GARIN1A: variants seen among roughly 807,000 people sequenced by gnomAD.
GARIN1A encodes golgi associated RAB2 interactor 1A.
At chr7:128,707,526 G>A in the GARIN1A span, among the ~76,000 whole-genome samples, 72 of 152,160 alleles carry the variant, frequency 4.7e-4, no homozygotes, top group African/African-American at 1.7e-3. Context: ...GTACAGTGTG[G>A]CACCATCATG....
the GARIN1A span, among the ~76,000 whole-genome samples, chr7:128,677,159 TAGG>T: frequency 1.3e-5 from 2 of 151,470 alleles, no homozygotes; most frequent in African/African-American, 4.9e-5. Flanking sequence ...AGCAGAGAGG[TAGG>T]AGGCCAGTGT....
At chr7:128,704,339 C>G in the GARIN1A span, among the ~76,000 whole-genome samples, 1 of 149,256 alleles carries the variant, frequency 6.7e-6, no homozygotes, top group African/African-American at 2.5e-5. Context: ...GAGTCTTGCT[C>G]TGTCACCTAG....
At chr7:128,674,250 A>G in the GARIN1A span, among the ~76,000 whole-genome samples, 1 of 152,142 alleles carries the variant, frequency 6.6e-6, no homozygotes, top group South Asian at 2.1e-4. Context: ...TGTGCTAGGG[A>G]GAGGCTGACC....
At chr7:128,704,080 G>A in the GARIN1A span, among the ~76,000 whole-genome samples, 2 of 152,172 alleles carry the variant, frequency 1.3e-5, no homozygotes, top group African/African-American at 4.8e-5. Context: ...GGAGAAGAAA[G>A]AGCTCACTCA....
At chr7:128,690,504 G>C in the GARIN1A span, 18 of 152,142 alleles carry the variant, frequency 1.2e-4, no homozygotes, top group Non-Finnish European at 2.2e-4. Flanking sequence ...ATGGTAGGAG[G>C]AGACAAAAAT....
chr7:128,706,485 ATC>A, the GARIN1A span, among the ~76,000 whole-genome samples: 86 of 149,398 alleles, frequency 5.8e-4, 1 homozygote, highest in East Asian at 0.016. Context: ...ATATATCTCC[ATC>A]TCTCTCTCTC....
the GARIN1A span, among the ~76,000 whole-genome samples, chr7:128,699,269 C>T: frequency 1.4e-5 from 2 of 143,462 alleles, no homozygotes; most frequent in African/African-American, 2.5e-5. Context: ...TGCCCCCCCC[C>T]CCCCACCACC....
chr7:128,688,833 G>T, the GARIN1A span, among the ~76,000 whole-genome samples: 1 of 122,184 alleles, frequency 8.2e-6, no homozygotes, highest in Non-Finnish European at 1.6e-5. Flanking sequence ...TCTTTCCACC[G>T]TCTCCCTCTG....
chr7:128,683,133 C>G, the GARIN1A span: 3 of 1,611,632 alleles, frequency 1.9e-6, no homozygotes, highest in Non-Finnish European at 2.5e-6. Context: ...AGCCAGTTAC[C>G]TAGGAGAGCA....
chr7:128,674,652 G>A, the GARIN1A span, among the ~76,000 whole-genome samples: 1 of 152,010 alleles, frequency 6.6e-6, no homozygotes, highest in Non-Finnish European at 1.5e-5. Flanking sequence ...TCCAAGAAGT[G>A]TCACTTTTTT....
At chr7:128,696,638 C>T in the GARIN1A span, among the ~76,000 whole-genome samples, 1 of 152,112 alleles carries the variant, frequency 6.6e-6, no homozygotes, top group East Asian at 1.9e-4. Flanking sequence ...AACCAGCCTC[C>T]TGGGCAATAG....
the GARIN1A span, chr7:128,675,879 C>T: frequency 1.2e-5 from 13 of 1,091,580 alleles, no homozygotes; most frequent in Non-Finnish European, 1.6e-5. Context: ...TGAGGGAGGG[C>T]GGGAAGGGAT....
chr7:128,672,213 A>C, the GARIN1A span: 1 of 526,692 alleles, frequency 1.9e-6, no homozygotes. Context: ...TGTCACCATC[A>C]CATTCCTTGA....
chr7:128,702,578 G>A, the GARIN1A span, among the ~76,000 whole-genome samples: 11 of 151,992 alleles, frequency 7.2e-5, no homozygotes, highest in African/African-American at 2.7e-4. Flanking sequence ...TGATAAAATT[G>A]AATCATAAAA....
chr7:128,704,374 G>A, the GARIN1A span, among the ~76,000 whole-genome samples: 3 of 150,802 alleles, frequency 2.0e-5, no homozygotes, highest in African/African-American at 2.4e-5. Flanking sequence ...GCACCATCTC[G>A]GCTCACTGCA....
the GARIN1A span, among the ~76,000 whole-genome samples, chr7:128,693,141 C>A: frequency 4.6e-5 from 7 of 152,208 alleles, no homozygotes; most frequent in Admixed American, 2.0e-4. Context: ...AGATAATTTT[C>A]TTTTAGTAAA....
the GARIN1A span, chr7:128,672,650 G>A: frequency 0.05 from 24,912 of 495,650 alleles, 1,051 homozygotes; most frequent in African/African-American, 0.2. Flanking sequence ...CCCTGGGGGA[G>A]GGGGGGGCGG....
chr7:128,695,592 G>A, the GARIN1A span, among the ~76,000 whole-genome samples: 1 of 152,144 alleles, frequency 6.6e-6, no homozygotes, highest in African/African-American at 2.4e-5. This position sits in a 1 kb window ranked among gnomAD's most constrained non-coding sequence, Gnocchi z 4.5. Context: ...CCAGGCTGGA[G>A]TGCGGTGGTG....
chr7:128,696,876 G>A, the GARIN1A span, among the ~76,000 whole-genome samples: 1 of 152,112 alleles, frequency 6.6e-6, no homozygotes, highest in Non-Finnish European at 1.5e-5. Context: ...ATTCTGGCAG[G>A]TGAAGAACAT....
Sources: gnomAD v4.1 joint callset for allele counts (sites outside exome capture counted in the v4.1 genomes callset) on GRCh38, gnomAD v4.1.1 for gene constraint, Gnocchi (gnomAD v3.1) non-coding constraint, MANE v1.5 for transcripts, NCBI Gene and HGNC (gene_info 2026-07-23, HGNC 2026-07-21) for gene names.